Variants in PARL observed in about 807,000 individuals in gnomAD.
The protein encoded by PARL is presenilin-associated rhomboid-like protein, mitochondrial.
PARL carries 44 observed loss-of-function variants against 51.6 expected under a neutral mutation model. The observed-to-expected ratio is 0.85, with a 90% CI of 0.67 to 1.10. The LOEUF is 1.10. PARL is among the 50% of genes least tolerant of loss of function. PARL has a pLI of 0.00. For missense variants in PARL, 441 were observed against 469.5 expected (o/e 0.94, Z 0.56); for synonymous variants, 172 against 164.0 (o/e 1.05, Z -0.37).
At chr3:183,842,577 A>G in intron 5 of PARL, 130 bp from the exon 6 acceptor site, 4 of 763,342 alleles carry the variant, frequency 5.2e-6, no homozygotes, top group Admixed American at 2.0e-5. Flanking sequence ...TGGGAGGCCA[A>G]GGCAGGCGGA....
intron 1 of PARL, among the ~76,000 whole-genome samples, chr3:183,872,716 T>C (rs1221920675): frequency 1.3e-5 from 2 of 152,162 alleles, no homozygotes; most frequent in African/African-American, 4.8e-5. Context: ...TCACACAGGA[T>C]TACAGCCAAA....
intron 1 of PARL, among the ~76,000 whole-genome samples, chr3:183,872,535 C>G (rs1175367801): frequency 6.6e-6 from 1 of 152,160 alleles, no homozygotes; most frequent in Non-Finnish European, 1.5e-5. Flanking sequence ...CTCTAAATGG[C>G]TCTTAACTCC....
At chr3:183,839,245 G>A (rs1408871555) in intron 7 of PARL, among the ~76,000 whole-genome samples, 4 of 152,056 alleles carry the variant, frequency 2.6e-5, no homozygotes, top group Non-Finnish European at 4.4e-5. Flanking sequence ...TTTCAAAATT[G>A]ACCTTTTTAG....
downstream of PARL, among the ~76,000 whole-genome samples, chr3:183,828,617 G>A (rs1727593746): frequency 6.6e-6 from 1 of 152,176 alleles, no homozygotes; most frequent in Non-Finnish European, 1.5e-5. Flanking sequence ...GTGCTGCCAT[G>A]CAGTTCTCAC....
At chr3:183,841,681 A>G (rs895850547) in intron 6 of PARL, among the ~76,000 whole-genome samples, 1 of 152,236 alleles carries the variant, frequency 6.6e-6, no homozygotes, top group East Asian at 1.9e-4. Context: ...AATTTGACCA[A>G]CTGTCACGTT....
chr3:183,827,520 T>C (rs548068986), downstream of PARL, among the ~76,000 whole-genome samples: 8 of 152,112 alleles, frequency 5.3e-5, no homozygotes, highest in Non-Finnish European at 1.0e-4. Flanking sequence ...GGCAGGCATA[T>C]GGAGAAGCAC....
chr3:183,857,973 T>C (rs1032343785), intron 4 of PARL, among the ~76,000 whole-genome samples: 8 of 152,238 alleles, frequency 5.3e-5, no homozygotes, highest in African/African-American at 1.7e-4. Flanking sequence ...CACCCAGTTC[T>C]AGCTGTGTGA....
At chr3:183,837,551 C>T (rs1448382863) in intron 7 of PARL, among the ~76,000 whole-genome samples, 1 of 152,166 alleles carries the variant, frequency 6.6e-6, no homozygotes, top group Non-Finnish European at 1.5e-5. Flanking sequence ...CCTGCACGCC[C>T]TCAGCTCCCA....
intron 6 of PARL, among the ~76,000 whole-genome samples, chr3:183,842,043 C>CTTG (rs1461058233): frequency 2.6e-5 from 4 of 152,212 alleles, no homozygotes; most frequent in Non-Finnish European, 5.9e-5. Context: ...CTAACCCTTA[C>CTTG]TTAACGCCTG....
intron 4 of PARL, among the ~76,000 whole-genome samples, chr3:183,858,953 A>G (rs988211094): frequency 1.3e-5 from 2 of 152,162 alleles, no homozygotes; most frequent in African/African-American, 4.8e-5. Flanking sequence ...GATTAAAACA[A>G]GTTTCCTAGC....
At chr3:183,883,638 C>T in intron 1 of PARL, 1 of 985,278 alleles carries the variant, frequency 1.0e-6, no homozygotes, top group Non-Finnish European at 1.2e-6. Flanking sequence ...TCCATCTGTC[C>T]TCATTTTCCA....
intron 1 of PARL, among the ~76,000 whole-genome samples, chr3:183,874,766 T>C (rs1454627958): frequency 6.6e-6 from 1 of 152,176 alleles, no homozygotes; most frequent in Admixed American, 6.6e-5. Context: ...AATAGCCAAC[T>C]TGTAAATACA....
At chr3:183,828,248 T>C (rs1174752425), downstream of PARL, among the ~76,000 whole-genome samples, 1 of 152,248 alleles carries the variant, frequency 6.6e-6, no homozygotes, top group Non-Finnish European at 1.5e-5. Context: ...CCTCTTTGCC[T>C]GGTCTGCCCA....
rs755881206 is a variant in PARL, at chr3:183,867,845, C to T, written c.321+20G>A. 3 of 1,579,696 alleles carry T rather than the reference C, an allele frequency of 1.9e-6. No individual in the cohort carries two copies. The highest frequency in any genetic ancestry group is 1.7e-5 in the Admixed American group (1 of 59,946). ...GCATTTCTAGCAAGGTAGGTAACTC[C>T]TAGCAAAGTGAGCTCTTACCCCAAC... On this transcript the variant is annotated intron_variant, in intron 2 of 9. Coordinates refer to ENST00000317096, the MANE Select transcript of PARL (RefSeq NM_018622.7).
intron 1 of PARL, among the ~76,000 whole-genome samples, chr3:183,877,527 G>T (rs112355252): frequency 0.033 from 4,977 of 152,216 alleles, 266 homozygotes; most frequent in African/African-American, 0.11. Context: ...ATGCTACTGA[G>T]AAATCTTTTG....
chr3:183,835,012 T>C (rs1479670304), intron 7 of PARL, among the ~76,000 whole-genome samples: 3 of 152,062 alleles, frequency 2.0e-5, no homozygotes, highest in South Asian at 2.1e-4. Context: ...TGAGCCGAGA[T>C]TGTCCCACTG....
At chr3:183,856,097 G>T (rs1253001957) in intron 4 of PARL, among the ~76,000 whole-genome samples, 1 of 152,104 alleles carries the variant, frequency 6.6e-6, no homozygotes, top group Non-Finnish European at 1.5e-5. Context: ...GCTTTAAATG[G>T]TGAATTTTAT....
At position 183,829,412 on chromosome 3, in the gene PARL, T is replaced by C; in HGVS notation, c.*186A>G. The C allele has an allele frequency of 2.6e-6, 4 of 1,538,062 alleles. No homozygotes were observed. The South Asian group carries it at 4.9e-5, about 19-fold the overall frequency. ...TGCTTACAAACTAGATAGAAACCTT[T>C]ATTTCACAACTTTATCATCATTCAC... On this transcript the variant is annotated 3_prime_UTR_variant, in exon 10 of 10. Transcript: ENST00000317096.
Position 183,876,972 on chromosome 3 carries a change from G to A in PARL, c.125+7750C>T, listed in dbSNP as rs148397776. Among the ~76,000 whole-genome samples the A allele has an allele frequency of 1.4e-3, 206 of 152,366 alleles. 4 individuals are homozygous for A. The East Asian group carries it at 0.035, about 26-fold the overall frequency. The stretch of plus-strand genomic sequence containing the variant: ...CATGCCTGTAATCCCAGTACCCTGG[G>A]AGGCCGAGGCGGGCGGATCACCTGA... On this transcript the variant is annotated intron_variant, in intron 1 of 9. Coordinates refer to ENST00000317096, the MANE Select transcript of PARL (RefSeq NM_018622.7).
Sources: allele counts gnomAD v4.1 joint callset (sites outside exome capture counted in the v4.1 genomes callset), GRCh38; gene constraint gnomAD v4.1.1; transcripts MANE v1.5; gene names NCBI Gene and HGNC (gene_info 2026-07-23, HGNC 2026-07-21).